The following ESYT3 variants were observed in gnomAD, a reference collection of about 807,000 sequenced individuals.
ESYT3 encodes extended synaptotagmin 3.
ESYT3 carries 101 observed loss-of-function variants against 111.5 expected under a neutral mutation model. The ratio of observed to expected loss-of-function variants is 0.91; its 90% CI spans 0.77 to 1.07. The LOEUF (loss-of-function observed/expected upper bound fraction) is 1.07. ESYT3 is among the 50% of genes least tolerant of loss of function. The probability of loss-of-function intolerance (pLI) is 0.00; values close to 1 mark genes in which losing one functional copy is unlikely to be tolerated. For synonymous variants in ESYT3, 416 were observed against 446.8 expected (o/e 0.93, Z 0.87); for missense variants, 1,097 against 1,109.4 (o/e 0.99, Z 0.16).
At chr3:138,460,500 C>T in intron 6 of ESYT3, 111 bp from the exon 7 acceptor site, 1 of 1,200,680 alleles carries the variant, frequency 8.3e-7, no homozygotes, top group Non-Finnish European at 1.2e-6. Context: ...CGAACCCCCA[C>T]CCTGGAAGGC....
chr3:138,475,375 A>G (rs1414079704), intron 20 of ESYT3, among the ~76,000 whole-genome samples: 1 of 152,220 alleles, frequency 6.6e-6, no homozygotes, highest in East Asian at 1.9e-4. Flanking sequence ...ATCTGTTACT[A>G]ATTCTCAAAA....
rs1179530607 is a variant in ESYT3 at position 138,474,354 on chromosome 3, TA to T, written c.2468+4del. On this transcript the variant is annotated splice_donor_region_variant and intron_variant, in intron 20 of 22. Transcript: ENST00000389567. ...CTTGGAACCCCTGTTTGATGAGACG[TA>T]AGTGGGCTGGTGGCCTGCCTAGAGT... 6.3e-7 allele frequency: 1 copy of T among 1,588,022 alleles called. No individual in the cohort carries two copies. Among genetic ancestry groups the T allele is most frequent in the Non-Finnish European group, 8.5e-7 (1 of 1,172,584 alleles).
At chr3:138,467,411 T>C (rs1316006516) in intron 10 of ESYT3, 150 bp from the exon 11 acceptor site, 5 of 773,474 alleles carry the variant, frequency 6.5e-6, no homozygotes, top group Non-Finnish European at 1.1e-5. Flanking sequence ...CTCGAGCTGA[T>C]GGTGGTCTCC....
chr3:138,442,467 G>T (rs918533438), intron 1 of ESYT3, among the ~76,000 whole-genome samples: 6 of 152,164 alleles, frequency 3.9e-5, no homozygotes, highest in Non-Finnish European at 5.9e-5. Context: ...TAGCGGAGGT[G>T]GGTGGTGGTT....
rs1322725491 is a variant in ESYT3 at position 138,477,278 on chromosome 3, C to A, written c.*424C>A. On this transcript the variant is annotated 3_prime_UTR_variant, in exon 23 of 23. Coordinates refer to ENST00000389567, the MANE Select transcript of ESYT3 (RefSeq NM_031913.5). Reference sequence around the variant, plus strand: ...GGGAGGTCTGTTTCTGGAGCCACTACCAGCATTCCTGGGCAGTGACTGGCC... The same window carrying A: ...GGGAGGTCTGTTTCTGGAGCCACTAACAGCATTCCTGGGCAGTGACTGGCC... The A allele has an allele frequency of 3.2e-5, 5 of 155,940 alleles. No homozygotes were observed. In the East Asian group the frequency reaches 7.6e-4, roughly 24 times the overall value. The allele number at this position is 155,940 out of a possible 1,614,324, so 9.7% of individuals were successfully genotyped here. A position where few individuals can be genotyped will look rare whatever the true frequency, so the allele number is the denominator to read the frequency against.
In ESYT3 at chr3:138,435,171, A is replaced by T. The variant is rs979970264; in HGVS notation, c.327+46A>T. 2 of 1,482,090 alleles carry T rather than the reference A, an allele frequency of 1.3e-6. No homozygotes were observed. The highest frequency in any genetic ancestry group is 2.1e-5 in the Admixed American group (1 of 46,674). The allele number at this position is 1,482,090 out of a possible 1,614,324, so 91.8% of individuals were successfully genotyped here. On this transcript the variant is annotated intron_variant, in intron 1 of 22. Transcript: ENST00000389567. This position sits in a 1 kb window ranked among gnomAD's most constrained non-coding sequence, Gnocchi z 4.8. ...GTGGGAGGTGGGGAGATGCCTTTCG[A>T]GGTTCGGAGGAACTTGCGGTCAGCG...
chr3:138,470,773 C>T (rs962144835), intron 16 of ESYT3, 104 bp from the exon 17 acceptor site: 4 of 1,568,294 alleles, frequency 2.6e-6, no homozygotes, highest in Non-Finnish European at 3.5e-6. Flanking sequence ...CATAGAAGCA[C>T]AGTACAGACT....
chr3:138,473,126 T>C (rs985511068), intron 18 of ESYT3: 4 of 1,371,266 alleles, frequency 2.9e-6, no homozygotes, highest in East Asian at 2.8e-5. Flanking sequence ...CATTGAGTTA[T>C]ACTGGGATGA....
intron 3 of ESYT3, 131 bp from the exon 4 acceptor site, chr3:138,457,437 A>C (rs1016075533): frequency 1.2e-6 from 1 of 811,674 alleles, no homozygotes; most frequent in East Asian, 2.4e-5. Flanking sequence ...ATAGATTTAC[A>C]TGTCTGTGCC....
intron 5 of ESYT3, 135 bp from the exon 6 acceptor site, chr3:138,459,810 C>T (rs1355724936): frequency 1.6e-5 from 11 of 683,874 alleles, no homozygotes; most frequent in Non-Finnish European, 2.5e-5. Context: ...TGAGAGCAGG[C>T]AGCTTGGGGC....
intron 11 of ESYT3, 106 bp downstream of exon 11, chr3:138,467,715 C>G (rs2033002673): frequency 1.9e-6 from 2 of 1,061,272 alleles, no homozygotes; most frequent in African/African-American, 3.1e-5. Context: ...TGTGGTCCCC[C>G]TCTGTGCTAG....
chr3:138,467,990 A>T (rs1394578311), intron 11 of ESYT3, 115 bp from the exon 12 acceptor site: 7 of 849,600 alleles, frequency 8.2e-6, no homozygotes, highest in African/African-American at 1.7e-5. Flanking sequence ...TTCCCATACT[A>T]GGACAGGTTT....
At chr3:138,474,434 C>G in intron 20 of ESYT3, 82 bp downstream of exon 20, 1 of 1,470,096 alleles carries the variant, frequency 6.8e-7, no homozygotes, top group Admixed American at 2.4e-5. Flanking sequence ...TGGCAGCCTG[C>G]CAGATGCTGG....
rs967676506 is a variant in ESYT3 at position 138,434,973 on chromosome 3, ATAACCTGGTTGCTGCTCGGCGCCC to A, written c.177_200del (p.Ile59_Leu67delinsMet). The A allele has an allele frequency of 6.4e-7, 1 of 1,556,636 alleles. No homozygotes were observed. The highest frequency in any genetic ancestry group is 8.7e-7 in the Non-Finnish European group (1 of 1,149,460). On this transcript the variant is annotated inframe_deletion, in exon 1 of 23. Transcript: ENST00000389567. ...CCTAGCTGGCTACCTGGGGCTCAGC[ATAACCTGGTTGCTGCTCGGCGCCC>A]TGCTGTGGATGTGGTGGCGCAGGAA...
chr3:138,446,505 AAAC>A (rs1384146813), intron 1 of ESYT3, among the ~76,000 whole-genome samples: 11 of 152,240 alleles, frequency 7.2e-5, no homozygotes, highest in African/African-American at 2.7e-4. Flanking sequence ...CCAAGTCTTG[AAAC>A]AAAAGAAAGC....
rs1197629357 is a variant in ESYT3, at chr3:138,479,713, T to C, written c.*2859T>C. On this transcript the variant is annotated 3_prime_UTR_variant, in exon 23 of 23. Coordinates refer to ENST00000389567, the MANE Select transcript of ESYT3 (RefSeq NM_031913.5). ...CAGGCAACACCTTTTGGCAAGTTTC[T>C]TAGCCACAAGTGGGTTGCATGGTCC... The C allele has an allele frequency of 6.6e-6, 1 of 152,234 alleles. No individual in the cohort carries two copies. Among genetic ancestry groups the C allele is most frequent in the Non-Finnish European group, 1.5e-5 (1 of 68,052 alleles). 9.4% of individuals were successfully genotyped at this position (152,234 alleles called of 1,614,324 possible).
intron 8 of ESYT3, chr3:138,462,481 T>C (rs957145200): frequency 2.9e-5 from 16 of 548,372 alleles, no homozygotes; most frequent in Non-Finnish European, 5.1e-5. Flanking sequence ...TTACATTGAC[T>C]TGTTTCATTC....
In ESYT3 at chr3:138,472,344, C is replaced by A. The variant is rs2033261832; in HGVS notation, c.1741-19C>A. ...AAGTGGTGACTCAGCTCATAAGCCA[C>A]CCTCTTATCTGCTTGCAGTTCCTGC... is the stretch of plus-strand genomic sequence containing the variant. On this transcript the variant is annotated intron_variant, in intron 17 of 22. Transcript: ENST00000389567. 1.2e-6 allele frequency: 2 copies of A among 1,609,630 alleles called. No homozygotes were observed. The highest frequency in any genetic ancestry group is 4.5e-5 in the East Asian group (2 of 44,850).
chr3:138,459,785 G>A (rs1167098946), intron 5 of ESYT3, among the ~76,000 whole-genome samples, 160 bp from the exon 6 acceptor site: 4 of 152,236 alleles, frequency 2.6e-5, no homozygotes, highest in African/African-American at 9.6e-5. Flanking sequence ...AGCACCTTAA[G>A]TACGGTTCCT....
Sources: allele counts gnomAD v4.1 joint callset (sites outside exome capture counted in the v4.1 genomes callset), GRCh38; gene constraint gnomAD v4.1.1; non-coding constraint Gnocchi (gnomAD v3.1); transcripts MANE v1.5; gene names NCBI Gene and HGNC (gene_info 2026-07-23, HGNC 2026-07-21).